The following RANBP2 variants were observed in gnomAD, a reference collection of about 807,000 sequenced individuals.
RANBP2 encodes the protein RAN binding protein 2.
A neutral mutation model predicts 303.6 loss-of-function variants in RANBP2; 57 were observed. The observed-to-expected ratio is 0.19, with a 90% confidence interval of 0.15 to 0.23. The LOEUF (loss-of-function observed/expected upper bound fraction) is 0.23. RANBP2 is among the 10% of genes least tolerant of loss of function. The pLI, the probability that RANBP2 is intolerant of heterozygous loss-of-function variation, is 1.00. For synonymous variants in RANBP2, 1,167 were observed against 1,301.5 expected (o/e 0.90, Z 2.23); for missense variants, 3,138 against 3,780.8 (o/e 0.83, Z 4.46).
At chr2:108,723,171 CTGT>C (rs201734346) in intron 1 of RANBP2, among the ~76,000 whole-genome samples, 1,928 of 152,250 alleles carry the variant, frequency 0.013, 49 homozygotes, top group African/African-American at 0.045. Context: ...CCTTTGACAG[CTGT>C]TAGTTGTTTT....
chr2:108,737,578 G>GTTTTTTTT, intron 6 of RANBP2, among the ~76,000 whole-genome samples: 1 of 142,646 alleles, frequency 7.0e-6, no homozygotes, highest in Non-Finnish European at 1.5e-5. Flanking sequence ...TTGAGACTGA[G>GTTTTTTTT]TCTTGCTCTC....
chr2:108,758,581 G>A (rs779612317), intron 18 of RANBP2, 33 bp downstream of exon 18: 1 of 1,610,382 alleles, frequency 6.2e-7, no homozygotes. Flanking sequence ...GCATATTTTA[G>A]TAAAACTACT....
At chr2:108,921,394 T>C in the RANBP2 span, among the ~76,000 whole-genome samples, 1 of 152,204 alleles carries the variant, frequency 6.6e-6, no homozygotes, top group African/African-American at 2.4e-5. Flanking sequence ...CCACCATTTG[T>C]TGCTGCAGAG....
the RANBP2 span, among the ~76,000 whole-genome samples, chr2:109,700,884 G>A: frequency 6.6e-6 from 1 of 152,084 alleles, no homozygotes. Context: ...ACATGGCCTA[G>A]CAACAGGTGG....
chr2:109,135,562 C>T, the RANBP2 span, among the ~76,000 whole-genome samples: 1 of 152,194 alleles, frequency 6.6e-6, no homozygotes, highest in Non-Finnish European at 1.5e-5. Flanking sequence ...TCTTATCACG[C>T]GTGAGGCACA....
At chr2:108,896,918 CA>C in the RANBP2 span, 3 of 1,612,184 alleles carry the variant, frequency 1.9e-6, no homozygotes, top group South Asian at 3.3e-5. Context: ...CAGGATGCAG[CA>C]TGTGGCTGGG....
the RANBP2 span, among the ~76,000 whole-genome samples, chr2:109,228,372 C>T: frequency 3.3e-5 from 5 of 152,206 alleles, no homozygotes; most frequent in African/African-American, 1.2e-4. Context: ...TCTATTTCCA[C>T]ATGTCACCCT....
the RANBP2 span, among the ~76,000 whole-genome samples, chr2:109,345,192 A>G: frequency 6.6e-6 from 1 of 152,168 alleles, no homozygotes; most frequent in Non-Finnish European, 1.5e-5. Context: ...TTTACCTGCC[A>G]CACTACCTAA....
At chr2:109,614,107 G>C in the RANBP2 span, 5 of 1,209,646 alleles carry the variant, frequency 4.1e-6, no homozygotes, top group Admixed American at 2.2e-4. Context: ...CGTCAGCGTT[G>C]GGGCGGGCTG....
At chr2:108,965,061 T>A in the RANBP2 span, among the ~76,000 whole-genome samples, 6 of 152,186 alleles carry the variant, frequency 3.9e-5, no homozygotes, top group Non-Finnish European at 8.8e-5. Flanking sequence ...AAACATTTTT[T>A]AACTATGCCA....
the RANBP2 span, among the ~76,000 whole-genome samples, chr2:108,935,115 C>T: frequency 6.6e-6 from 1 of 152,166 alleles, no homozygotes; most frequent in African/African-American, 2.4e-5. Flanking sequence ...TCAAATCTGG[C>T]GCTTTACGGA....
chr2:108,995,412 C>A, the RANBP2 span, among the ~76,000 whole-genome samples: 1 of 152,182 alleles, frequency 6.6e-6, no homozygotes, highest in Non-Finnish European at 1.5e-5. Context: ...TGTGTTCTTG[C>A]AGGGGGCATG....
chr2:109,260,449 A>G, the RANBP2 span, among the ~76,000 whole-genome samples: 1 of 152,176 alleles, frequency 6.6e-6, no homozygotes, highest in Non-Finnish European at 1.5e-5. Flanking sequence ...AAAGGTGGAG[A>G]AAGCATCTGC....
At chr2:109,174,804 G>T in the RANBP2 span, among the ~76,000 whole-genome samples, 2 of 152,200 alleles carry the variant, frequency 1.3e-5, no homozygotes, top group Non-Finnish European at 2.9e-5. Flanking sequence ...ACCCATGAGG[G>T]CAGGGGCTTA....
At chr2:109,491,445 G>A in the RANBP2 span, among the ~76,000 whole-genome samples, 6 of 152,166 alleles carry the variant, frequency 3.9e-5, no homozygotes, top group South Asian at 6.2e-4. Flanking sequence ...TATATAGTCC[G>A]TCAGACTGAA....
At chr2:109,732,838 CT>C in the RANBP2 span, 1 of 1,300,996 alleles carries the variant, frequency 7.7e-7, no homozygotes, top group Non-Finnish European at 1.1e-6. Flanking sequence ...ACCCTCCTGG[CT>C]TTGCTTTTGT....
the RANBP2 span, among the ~76,000 whole-genome samples, chr2:109,022,805 C>T: frequency 8.5e-4 from 130 of 152,210 alleles, 1 homozygote; most frequent in South Asian, 0.013. Flanking sequence ...AATCCCAGCA[C>T]TTTGGGAGGC....
chr2:108,800,357 T>C, the RANBP2 span, among the ~76,000 whole-genome samples: 1 of 152,108 alleles, frequency 6.6e-6, no homozygotes, highest in African/African-American at 2.4e-5. Context: ...CTCCACTTCC[T>C]GGGTTCAAGC....
chr2:109,058,597 G>A, the RANBP2 span, among the ~76,000 whole-genome samples: 1 of 152,208 alleles, frequency 6.6e-6, no homozygotes, highest in East Asian at 1.9e-4. Flanking sequence ...CCATTTTTGT[G>A]ATGCAATTCA....
Sources: allele counts gnomAD v4.1 joint callset (sites outside exome capture counted in the v4.1 genomes callset), GRCh38; gene constraint gnomAD v4.1.1; transcripts MANE v1.5; gene names NCBI Gene and HGNC (gene_info 2026-07-23, HGNC 2026-07-21).